The following CD96 variants were observed in gnomAD, a reference collection of about 807,000 sequenced individuals.
CD96 encodes the protein T-cell surface protein tactile.
CD96 carries 70 observed loss-of-function variants against 71.3 expected under a neutral mutation model. The ratio of observed to expected loss-of-function variants is 0.98; its 90% CI spans 0.81 to 1.20. The LOEUF is 1.20. Ranked by LOEUF, CD96 falls within the 50% of genes most tolerant of loss-of-function variation. The pLI is 0.00. For synonymous variants in CD96, 248 were observed against 233.0 expected (o/e 1.06, Z -0.59); for missense variants, 742 against 677.5 (o/e 1.10, Z -1.06).
chr3:111,595,629 A>C (rs1436070795), intron 5 of CD96, among the ~76,000 whole-genome samples: 2 of 152,052 alleles, frequency 1.3e-5, no homozygotes, highest in Non-Finnish European at 2.9e-5. Flanking sequence ...AGATTACCTA[A>C]CCTCTCAAGT....
Position 111,604,698 on chromosome 3 carries a change from G to A in CD96, c.1088-2002G>A, listed in dbSNP as rs1168791895. 2.6e-5 allele frequency among the ~76,000 whole-genome samples: 4 copies of A among 152,276 alleles called. No individual in the cohort carries two copies. In the East Asian group the frequency reaches 5.8e-4, roughly 22 times the overall value. On this transcript the variant is annotated intron_variant, in intron 7 of 13. Coordinates refer to ENST00000352690, the MANE Select transcript of CD96 (RefSeq NM_005816.5). ...AATGTTCAATCAATGAAAAATAAATGTTTCCCATTGTGGAAACTGAGCATA... is the reference window on the plus strand; with the variant it reads ...AATGTTCAATCAATGAAAAATAAATATTTCCCATTGTGGAAACTGAGCATA...
intron 4 of CD96, among the ~76,000 whole-genome samples, chr3:111,584,385 T>C (rs1470584246): frequency 1.3e-5 from 2 of 152,202 alleles, no homozygotes; most frequent in Non-Finnish European, 2.9e-5. Flanking sequence ...AACTGTTTCA[T>C]CCTCTGCCTG....
chr3:111,593,982 G>T (rs773878278), intron 5 of CD96: 2 of 1,614,166 alleles, frequency 1.2e-6, no homozygotes, highest in Non-Finnish European at 1.7e-6. Flanking sequence ...GTGGCATACT[G>T]GTTGGGATGG....
chr3:111,576,630 T>C (rs1936233084), intron 3 of CD96, among the ~76,000 whole-genome samples: 1 of 152,198 alleles, frequency 6.6e-6, no homozygotes, highest in Non-Finnish European at 1.5e-5. Flanking sequence ...TCTTACTTTG[T>C]GTGATCTTTG....
At chr3:111,591,583 T>C (rs1406048618) in intron 5 of CD96, among the ~76,000 whole-genome samples, 1 of 152,154 alleles carries the variant, frequency 6.6e-6, no homozygotes, top group African/African-American at 2.4e-5. Flanking sequence ...AATTAGGTAT[T>C]ACAGCCTCCT....
chr3:111,653,812 A>ATT (rs754375794), downstream of CD96, among the ~76,000 whole-genome samples: 11 of 148,284 alleles, frequency 7.4e-5, no homozygotes, highest in South Asian at 2.1e-4. Flanking sequence ...AGAAGCGATA[A>ATT]TTTTTTTTTT....
chr3:111,613,127 T>C (rs183515364), intron 8 of CD96, among the ~76,000 whole-genome samples: 68 of 152,318 alleles, frequency 4.5e-4, no homozygotes, highest in African/African-American at 1.6e-3. Context: ...TAAGTCAAGG[T>C]TAGCCTTCTT....
intron 6 of CD96, among the ~76,000 whole-genome samples, chr3:111,599,332 A>G (rs1264678283): frequency 3.9e-5 from 6 of 152,108 alleles, no homozygotes; most frequent in Non-Finnish European, 8.8e-5. Flanking sequence ...TGATCACTTG[A>G]TGCATTTTGA....
chr3:111,596,838 GGAAAGGCAAGTGTT>G (rs1937283330), intron 5 of CD96, among the ~76,000 whole-genome samples: 2 of 152,114 alleles, frequency 1.3e-5, no homozygotes, highest in South Asian at 4.1e-4. Context: ...CCCATTATCT[GGAAAGGCAAGTGTT>G]GAACGGATGG....
At chr3:111,657,115 G>C (rs977383238), downstream of CD96, among the ~76,000 whole-genome samples, 1 of 151,900 alleles carries the variant, frequency 6.6e-6, no homozygotes, top group Non-Finnish European at 1.5e-5. Context: ...ATCCAGGCCA[G>C]GTGGATTAGT....
chr3:111,665,223 T>C (rs1940454690), intron 14 of CD96, among the ~76,000 whole-genome samples: 1 of 152,054 alleles, frequency 6.6e-6, no homozygotes, highest in South Asian at 2.1e-4. Context: ...TTTAATATTT[T>C]TACTTTTGCA....
intron 7 of CD96, among the ~76,000 whole-genome samples, chr3:111,604,809 T>C (rs995342344): frequency 6.6e-6 from 1 of 152,220 alleles, no homozygotes; most frequent in Non-Finnish European, 1.5e-5. Context: ...TTTGTAGACT[T>C]TTTAATCTCT....
intron 10 of CD96, among the ~76,000 whole-genome samples, chr3:111,630,957 A>G (rs1378203524): frequency 2.0e-5 from 3 of 152,332 alleles, no homozygotes; most frequent in African/African-American, 7.2e-5. Context: ...AAAATTTAAC[A>G]TCTTAAAAAC....
At chr3:111,641,812 G>A (rs1468693332) in intron 12 of CD96, among the ~76,000 whole-genome samples, 1 of 152,144 alleles carries the variant, frequency 6.6e-6, no homozygotes, top group Non-Finnish European at 1.5e-5. Flanking sequence ...TCAGACCACA[G>A]TGAAATAAAA....
intron 12 of CD96, among the ~76,000 whole-genome samples, chr3:111,640,909 G>C (rs1289431625): frequency 6.6e-6 from 1 of 152,096 alleles, no homozygotes; most frequent in African/African-American, 2.4e-5. Flanking sequence ...ATGAAGGAAA[G>C]ATACAGTTGT....
chr3:111,587,327 G>T (rs1196481971), intron 5 of CD96, among the ~76,000 whole-genome samples: 5 of 151,652 alleles, frequency 3.3e-5, no homozygotes, highest in Admixed American at 3.3e-4. Flanking sequence ...CAAGCTGTTG[G>T]TGGATCTACC....
At chr3:111,640,358 G>C (rs1423278366) in intron 12 of CD96, among the ~76,000 whole-genome samples, 1 of 152,144 alleles carries the variant, frequency 6.6e-6, no homozygotes, top group Non-Finnish European at 1.5e-5. Context: ...AAAAGTCTCA[G>C]TGATAGAATT....
chr3:111,624,409 A>G lies in CD96; in HGVS notation c.1321+5A>G. 6.3e-7 allele frequency: 1 copy of G among 1,583,538 alleles called. No homozygotes were observed. Among genetic ancestry groups the G allele is most frequent in the South Asian group, 1.1e-5 (1 of 90,434 alleles). On this transcript the variant is annotated splice_donor_5th_base_variant and intron_variant, in intron 10 of 13. Coordinates refer to ENST00000352690, the MANE Select transcript of CD96 (RefSeq NM_005816.5). The stretch of plus-strand genomic sequence containing the variant: ...GTGGGACAGATACCAAAAAATGTTA[A>G]GTATAATCGTGGGTCCCTTGAGTCC...
chr3:111,617,963 C>T (rs1172122226), intron 8 of CD96, among the ~76,000 whole-genome samples: 2 of 152,220 alleles, frequency 1.3e-5, no homozygotes, highest in Non-Finnish European at 2.9e-5. Flanking sequence ...CCACAGTGTT[C>T]CCCTTGTCCA....
Sources: gnomAD v4.1 joint callset for allele counts (sites outside exome capture counted in the v4.1 genomes callset) on GRCh38, gnomAD v4.1.1 for gene constraint, MANE v1.5 for transcripts, NCBI Gene and HGNC (gene_info 2026-07-23, HGNC 2026-07-21) for gene names.